The following CCDC187 variants were observed in gnomAD, a reference collection of about 807,000 sequenced individuals.
CCDC187 encodes coiled-coil domain-containing protein 187.
A neutral mutation model predicts 38.0 loss-of-function variants in CCDC187; 32 were observed. The observed-to-expected ratio is 0.84, with a 90% CI of 0.64 to 1.13. The LOEUF is 1.13. Among genes scored for constraint, CCDC187 ranks in the 50% most tolerant of loss-of-function variants. The pLI, the probability that CCDC187 is intolerant of heterozygous loss-of-function variation, is 0.00. For missense variants in CCDC187, 707 were observed against 786.8 expected (o/e 0.90, Z 1.21); for synonymous variants, 333 against 347.9 (o/e 0.96, Z 0.48).
intron 9 of CCDC187, among the ~76,000 whole-genome samples, chr9:136,282,259 AG>A (rs1831063053): frequency 6.6e-6 from 1 of 152,168 alleles, no homozygotes; most frequent in African/African-American, 2.4e-5. Flanking sequence ...GTGACCATGG[AG>A]GCAGGTACAA....
intron 10 of CCDC187, among the ~76,000 whole-genome samples, chr9:136,280,632 TG>T (rs1446795139): frequency 6.6e-6 from 1 of 152,102 alleles, no homozygotes; most frequent in Non-Finnish European, 1.5e-5. Flanking sequence ...GAGGACCCGA[TG>T]AGCACTCCCA....
intron 4 of CCDC187, among the ~76,000 whole-genome samples, chr9:136,293,011 C>G (rs1475957345): frequency 6.6e-6 from 1 of 152,160 alleles, no homozygotes; most frequent in Non-Finnish European, 1.5e-5. Context: ...ACACCAGCCC[C>G]ACCAGCCCCG....
At position 136,253,014 on chromosome 9, in the gene CCDC187, AG is replaced by A. The variant is rs1326084185; in HGVS notation, c.*579del. 1 of 152,540 alleles carries A rather than the reference AG, an allele frequency of 6.6e-6. No individual in the cohort carries two copies. Among genetic ancestry groups the A allele is most frequent in the Admixed American group, 6.5e-5 (1 of 15,292 alleles). 9.4% of individuals were successfully genotyped at this position (152,540 alleles called of 1,614,324 possible). ...AGAGAGGCTGCCGGGGCTGCCAACC[AG>A]GGACATGGAGGTGTGGCTGCCTGTG... On this transcript the variant is annotated 3_prime_UTR_variant, in exon 26 of 26. Coordinates refer to ENST00000638797, the MANE Select transcript of CCDC187 (RefSeq NM_001378188.1).
intron 19 of CCDC187, among the ~76,000 whole-genome samples, chr9:136,260,669 G>A (rs954516275): frequency 3.3e-5 from 5 of 152,104 alleles, no homozygotes; most frequent in East Asian, 1.9e-4. Context: ...GCGACACGTC[G>A]TCTGCCTCCC....
chr9:136,267,232 G>T, intron 16 of CCDC187, 152 bp downstream of exon 16: 1 of 307,734 alleles, frequency 3.2e-6, no homozygotes, highest in Non-Finnish European at 4.7e-6. Context: ...ACCTATTACT[G>T]TTTGGACCAG....
intron 9 of CCDC187, among the ~76,000 whole-genome samples, chr9:136,284,125 G>A (rs1171128107): frequency 6.6e-6 from 1 of 152,150 alleles, no homozygotes. Context: ...AGGAGGAGAG[G>A]GGAGGGGAGG....
At chr9:136,296,979 C>T (rs1386444098) in intron 4 of CCDC187, among the ~76,000 whole-genome samples, 1 of 152,130 alleles carries the variant, frequency 6.6e-6, no homozygotes, top group Non-Finnish European at 1.5e-5. Flanking sequence ...CCTCTCCCAC[C>T]CCCAAGTGTG....
At chr9:136,272,592 A>G (rs1225253408) in intron 14 of CCDC187, among the ~76,000 whole-genome samples, 1 of 151,984 alleles carries the variant, frequency 6.6e-6, no homozygotes, top group Non-Finnish European at 1.5e-5. Context: ...AATCCCAGCT[A>G]CTCAGGAGGC....
In CCDC187 at chr9:136,293,148, CAA is replaced by C. The variant is rs1379329987; in HGVS notation, c.833-855_833-854del. Reference sequence around the variant, plus strand: ...AAACACTCACATGCTCACACACTCACAAACACATGCTCACACACTCACATGCT... The same window carrying C: ...AAACACTCACATGCTCACACACTCACACACATGCTCACACACTCACATGCT... On this transcript the variant is annotated intron_variant, in intron 4 of 25. Coordinates refer to ENST00000638797, the MANE Select transcript of CCDC187 (RefSeq NM_001378188.1). Among the ~76,000 whole-genome samples, 407 of 145,556 alleles carry C rather than the reference CAA, an allele frequency of 2.8e-3. 2 individuals are homozygous for C. Among genetic ancestry groups the C allele is most frequent in the African/African-American group, 9.8e-3 (371 of 37,810 alleles).
chr9:136,265,905 C>G (rs1339353170), intron 17 of CCDC187, 51 bp downstream of exon 17: 1 of 883,862 alleles, frequency 1.1e-6, no homozygotes, highest in Non-Finnish European at 1.4e-6. Flanking sequence ...GATGACACGA[C>G]TGCCTCTGTG....
intron 4 of CCDC187, among the ~76,000 whole-genome samples, chr9:136,293,129 T>A (rs976657885): frequency 1.4e-4 from 20 of 143,840 alleles, no homozygotes; most frequent in East Asian, 4.2e-4. Context: ...TCACAAACAC[T>A]CACATGCTCA....
At chr9:136,263,574 G>C (rs1228668123) in intron 18 of CCDC187, 48 bp downstream of exon 18, 3 of 983,368 alleles carry the variant, frequency 3.1e-6, no homozygotes, top group Non-Finnish European at 3.6e-6. Context: ...TCATGGGAAG[G>C]GGACAGCATT....
intron 10 of CCDC187, among the ~76,000 whole-genome samples, chr9:136,279,301 G>C (rs1830994761): frequency 6.6e-6 from 1 of 152,224 alleles, no homozygotes; most frequent in Non-Finnish European, 1.5e-5. Context: ...TTTAAGTCTA[G>C]AAGGTTCCAT....
intron 9 of CCDC187, among the ~76,000 whole-genome samples, chr9:136,283,974 G>A (rs1358770034): frequency 1.3e-5 from 2 of 152,170 alleles, no homozygotes; most frequent in Non-Finnish European, 2.9e-5. Flanking sequence ...TTGGGAGTGA[G>A]ATGGGGCACA....
chr9:136,281,694 C>G (rs1588662109), intron 9 of CCDC187, 31 bp from the exon 10 acceptor site: 2 of 398,662 alleles, frequency 5.0e-6, no homozygotes, highest in Non-Finnish European at 8.8e-6. Context: ...TGTGGCAGGG[C>G]CAGGCCCGTG....
chr9:136,270,119 C>T (rs1039988820), intron 14 of CCDC187, among the ~76,000 whole-genome samples: 5 of 152,168 alleles, frequency 3.3e-5, no homozygotes, highest in Admixed American at 1.3e-4. Flanking sequence ...CTAATGTATG[C>T]GTAATTGTGT....
At position 136,291,527 on chromosome 9, in the gene CCDC187, G is replaced by A. The variant is rs894634668; in HGVS notation, c.1086C>T (p.Phe362=). 423 of 398,776 alleles carry A rather than the reference G, an allele frequency of 1.1e-3. 1 individual carries two copies. The highest frequency in any genetic ancestry group is 6.5e-3 in the African/African-American group (318 of 48,778). The allele number at this position is 398,776 out of a possible 1,614,324, so 24.7% of individuals were successfully genotyped here. A position where few individuals can be genotyped will look rare whatever the true frequency, so the allele number is the denominator to read the frequency against. ...VSGNTPSLAS[F]DQPATIQTAM... is the part of the protein sequence containing the mutation. ...CCGTCTGTATGGTCGCTGGCTGGTC[G>A]AAGGAAGCCAGGCTGGGTGTGTTCC... Residue 362 remains phenylalanine (F), a synonymous_variant, in exon 6 of 26, where the codon TTC becomes TTT. Transcript: ENST00000638797.
intron 9 of CCDC187, among the ~76,000 whole-genome samples, chr9:136,284,728 T>G (rs1831131681): frequency 1.4e-5 from 2 of 140,942 alleles, no homozygotes; most frequent in African/African-American, 5.3e-5. Flanking sequence ...GGGGCAGGTG[T>G]GGAGGGGGTT....
At chr9:136,269,436 T>G (rs1173224761) in intron 14 of CCDC187, among the ~76,000 whole-genome samples, 1 of 152,122 alleles carries the variant, frequency 6.6e-6, no homozygotes, top group Non-Finnish European at 1.5e-5. Context: ...GATCACGAGG[T>G]CAGGAGATGG....
Sources: gnomAD v4.1 joint callset for allele counts (sites outside exome capture counted in the v4.1 genomes callset) on GRCh38, gnomAD v4.1.1 for gene constraint, MANE v1.5 for transcripts, NCBI Gene and HGNC (gene_info 2026-07-23, HGNC 2026-07-21) for gene names.